Variants in HLTF observed in about 807,000 individuals in gnomAD.
HLTF encodes DNA-dependent ATPase/E3 ubiquitin-protein ligase HLTF.
HLTF carries 127 observed loss-of-function variants against 129.4 expected under a neutral mutation model. The ratio of observed to expected loss-of-function variants is 0.98; its 90% CI spans 0.85 to 1.14. The LOEUF (loss-of-function observed/expected upper bound fraction) is 1.14, where lower values mean the gene tolerates loss of function less well. Ranked by LOEUF, HLTF falls within the 50% of genes most tolerant of loss-of-function variation. The pLI, the probability that HLTF is intolerant of heterozygous loss-of-function variation, is 0.00. For missense variants in HLTF, 1,139 were observed against 1,187.1 expected (o/e 0.96, Z 0.60); for synonymous variants, 332 against 388.8 (o/e 0.85, Z 1.72).
At chr3:149,073,382 T>C (rs1719038539) in intron 4 of HLTF, 60 bp from the exon 5 acceptor site, 3 of 1,203,812 alleles carry the variant, frequency 2.5e-6, no homozygotes, top group Non-Finnish European at 3.6e-6. Context: ...TTATCTTTTA[T>C]TAAGTAGCTT....
At chr3:149,070,116 T>C (rs1718723408) in intron 7 of HLTF, among the ~76,000 whole-genome samples, 1 of 152,264 alleles carries the variant, frequency 6.6e-6, no homozygotes, top group Non-Finnish European at 1.5e-5. Flanking sequence ...CTCACTGATA[T>C]GATTTAGCGT....
chr3:149,041,041 G>A (rs1329963660), intron 20 of HLTF, among the ~76,000 whole-genome samples: 2 of 152,128 alleles, frequency 1.3e-5, no homozygotes, highest in African/African-American at 2.4e-5. Flanking sequence ...TCCTTGAAAT[G>A]TGGCTAAGCC....
chr3:149,081,429 C>G (rs571764469), intron 2 of HLTF, among the ~76,000 whole-genome samples: 12 of 151,926 alleles, frequency 7.9e-5, no homozygotes, highest in Non-Finnish European at 5.9e-5. Context: ...GTGCTCAAAT[C>G]GCAAGTCCAA....
intron 1 of HLTF, among the ~76,000 whole-genome samples, chr3:149,085,890 G>T (rs750225118): frequency 3.3e-5 from 5 of 152,096 alleles, no homozygotes; most frequent in Non-Finnish European, 7.3e-5. Context: ...TGCAAGTGGC[G>T]CATATCTCTA....
chr3:149,040,170 A>G lies in HLTF; in HGVS notation c.2377-14T>C. 6.2e-7 allele frequency: 1 copy of G among 1,600,520 alleles called. No homozygotes were observed. The highest frequency in any genetic ancestry group is 8.5e-7 in the Non-Finnish European group (1 of 1,176,092). ...TTTAGCATGTGGCTATATAAGAAAG[A>G]ACGAAGTATGAGCAACACTTAACAG... On this transcript the variant is annotated splice_polypyrimidine_tract_variant and intron_variant, in intron 20 of 24. Transcript: ENST00000310053.
rs146224624 is a variant in HLTF at position 149,046,122 on chromosome 3, A to G, written c.2030T>C (p.Ile677Thr). ...GCCTTCATTTTTCACAGACTGATAA[A>G]TCTTTCTCTCTTCATCTGAAAGTGT... is the stretch of plus-strand genomic sequence containing the variant. ...HITLSDEERK[I>T]YQSVKNEGRA... The change falls in exon 18 of 25, where the codon ATT becomes ACT. Residue 677 changes from isoleucine to threonine, a missense_variant. Transcript: ENST00000310053. The G allele has an allele frequency of 1.2e-6, 2 of 1,611,660 alleles. No homozygotes were observed. Among genetic ancestry groups the G allele is most frequent in the African/African-American group, 1.3e-5 (1 of 74,974 alleles).
intron 1 of HLTF, 148 bp from the exon 2 acceptor site, chr3:149,085,037 G>T (rs1380756314): frequency 3.1e-6 from 2 of 644,330 alleles, no homozygotes; most frequent in Non-Finnish European, 5.3e-6. Context: ...GTTAAAGCAG[G>T]AATTGCAGTG....
At chr3:149,035,463 C>T (rs1715490482) in intron 23 of HLTF, among the ~76,000 whole-genome samples, 1 of 151,786 alleles carries the variant, frequency 6.6e-6, no homozygotes, top group Non-Finnish European at 1.5e-5. Context: ...AAGGGTTTCT[C>T]CTGGCTAACA....
chr3:149,039,265 CTAT>C (rs1715912822), intron 22 of HLTF, 36 bp from the exon 23 acceptor site: 1 of 1,360,948 alleles, frequency 7.3e-7, no homozygotes, highest in Non-Finnish European at 9.8e-7. Context: ...GTAACAAACA[CTAT>C]TATTATAAAA....
chr3:149,032,952 C>T (rs1319505484), intron 24 of HLTF, among the ~76,000 whole-genome samples: 11 of 113,868 alleles, frequency 9.7e-5, no homozygotes, highest in African/African-American at 3.3e-4. Flanking sequence ...GACAGAGCGA[C>T]GTCTCAAAAA....
chr3:149,069,535 CT>C, intron 7 of HLTF, among the ~76,000 whole-genome samples: 1 of 151,424 alleles, frequency 6.6e-6, no homozygotes, highest in Non-Finnish European at 1.5e-5. Flanking sequence ...TTTATTAAGT[CT>C]CATTACTTCA....
intron 8 of HLTF, among the ~76,000 whole-genome samples, chr3:149,066,455 A>G (rs1316036241): frequency 6.6e-6 from 1 of 152,152 alleles, no homozygotes; most frequent in Non-Finnish European, 1.5e-5. Context: ...AGTATGTTAG[A>G]ATCTAGGGGA....
chr3:149,072,675 G>A (rs572728190), intron 5 of HLTF, among the ~76,000 whole-genome samples: 48 of 152,076 alleles, frequency 3.2e-4, no homozygotes, highest in Non-Finnish European at 6.0e-4. Flanking sequence ...CAATAAGCAG[G>A]GTAAATATGG....
At chr3:149,050,090 AC>A in intron 15 of HLTF, 141 bp downstream of exon 15, 1 of 436,778 alleles carries the variant, frequency 2.3e-6, no homozygotes, top group Non-Finnish European at 4.0e-6. Context: ...AAAAAAAAAA[AC>A]CATTTATTTT....
chr3:149,064,148 C>G (rs1423764793), intron 9 of HLTF, among the ~76,000 whole-genome samples: 1 of 152,066 alleles, frequency 6.6e-6, no homozygotes, highest in Non-Finnish European at 1.5e-5. Context: ...ACTCATCTAC[C>G]TAACTCATCT....
At chr3:149,037,459 C>T (rs1333732599) in intron 23 of HLTF, among the ~76,000 whole-genome samples, 2 of 138,290 alleles carry the variant, frequency 1.4e-5, no homozygotes, top group South Asian at 2.3e-4. Context: ...CAGAGCAAGA[C>T]TCTGTCTCAA....
chr3:149,056,660 A>G (rs1717463075), intron 13 of HLTF, among the ~76,000 whole-genome samples: 1 of 152,224 alleles, frequency 6.6e-6, no homozygotes, highest in Non-Finnish European at 1.5e-5. Flanking sequence ...TATACCTACA[A>G]TAAAGTTTAA....
In HLTF at chr3:149,073,249, A is replaced by G; in HGVS notation, c.603T>C (p.Ala201=). ...AGPSYSMPVH[A]AVQMTTEQLK... ...CCTGTTCAGTTGTCATCTGTACTGC[A>G]GCATGCACTGGCATACTATAGCTTG... Residue 201 remains alanine (A), a synonymous_variant, in exon 5 of 25, where the codon GCT becomes GCC. Coordinates refer to ENST00000310053, the MANE Select transcript of HLTF (RefSeq NM_003071.4). 6.2e-7 allele frequency: 1 copy of G among 1,612,250 alleles called. No individual in the cohort carries two copies. The highest frequency in any genetic ancestry group is 8.5e-7 in the Non-Finnish European group (1 of 1,178,620).
At position 149,075,998 on chromosome 3, in the gene HLTF, T is replaced by C; in HGVS notation, c.278A>G (p.Tyr93Cys). 1 of 1,543,462 alleles carries C rather than the reference T, an allele frequency of 6.5e-7. No individual in the cohort carries two copies. Among genetic ancestry groups the C allele is most frequent in the Non-Finnish European group, 8.9e-7 (1 of 1,118,634 alleles). ...GTTTACTTTAATTGCATTCTTATCA[T>C]AAGGGTTATTAGGATCTCGTTGTAA... ...VALQRDPNNP[Y>C]DKNAIKVNNV... Residue 93 changes from tyrosine (Y) to cysteine (C), a missense_variant, in exon 3 of 25, where the codon TAT (tyrosine) becomes TGT (cysteine). By Grantham distance (194) the Tyr-to-Cys change is radical (BLOSUM62 -2). Coordinates refer to ENST00000310053, the MANE Select transcript of HLTF (RefSeq NM_003071.4).
Sources: gnomAD v4.1 joint callset for allele counts (sites outside exome capture counted in the v4.1 genomes callset) on GRCh38, gnomAD v4.1.1 for gene constraint, MANE v1.5 for transcripts, NCBI Gene and HGNC (gene_info 2026-07-23, HGNC 2026-07-21) for gene names.